SETBP1: variants seen among roughly 807,000 people sequenced by gnomAD.
SETBP1 encodes SET binding protein 1, also known as SET-binding protein.
In SETBP1, 9 loss-of-function variants were observed where a neutral mutation model predicts 101.0. The observed-to-expected ratio is 0.09, with a 90% CI of 0.05 to 0.16. The LOEUF is 0.16. Ranked by LOEUF, SETBP1 falls within the 10% of genes least tolerant of loss-of-function variation. The pLI, the probability that SETBP1 is intolerant of heterozygous loss-of-function variation, is 1.00. For synonymous variants in SETBP1, 818 were observed against 788.5 expected (o/e 1.04, Z -0.63); for missense variants, 1,858 against 2,033.8 (o/e 0.91, Z 1.66).
rs896494841 is a variant in SETBP1 at position 44,929,115 on chromosome 18, G to A, written c.541-20766G>A. Reference sequence around the variant, plus strand: ...CCGTCTTGAATTAATTTTTGTATAAGGTGTAAGGGAGGGATCCAGTTTCAG... The same window carrying A: ...CCGTCTTGAATTAATTTTTGTATAAAGTGTAAGGGAGGGATCCAGTTTCAG... On this transcript the variant is annotated intron_variant, in intron 3 of 5. Coordinates refer to ENST00000649279, the MANE Select transcript of SETBP1 (RefSeq NM_015559.3). 3.3e-5 allele frequency among the ~76,000 whole-genome samples: 5 copies of A among 152,250 alleles called. No homozygotes were observed. In the South Asian group the frequency reaches 8.3e-4, roughly 25 times the overall value.
intron 1 of SETBP1, among the ~76,000 whole-genome samples, chr18:44,690,271 G>A (rs1441245074): frequency 6.6e-6 from 1 of 152,224 alleles, no homozygotes. Context: ...ATATATCACA[G>A]AGAAAGGGAA....
chr18:44,706,536 C>T (rs1304608881), intron 2 of SETBP1, among the ~76,000 whole-genome samples: 6 of 128,456 alleles, frequency 4.7e-5, no homozygotes, highest in East Asian at 2.6e-4. Context: ...TGCAGTGAGC[C>T]GAGATGGTGC....
At chr18:44,772,336 GA>G (rs2070892167) in intron 2 of SETBP1, among the ~76,000 whole-genome samples, 1 of 152,120 alleles carries the variant, frequency 6.6e-6, no homozygotes, top group East Asian at 1.9e-4. Context: ...CTTTAAATAA[GA>G]AAAAGGAAAG....
At chr18:45,012,647 T>C (rs574233506) in intron 4 of SETBP1, among the ~76,000 whole-genome samples, 5 of 152,196 alleles carry the variant, frequency 3.3e-5, no homozygotes, top group Admixed American at 2.6e-4. Context: ...AAATGTGGTA[T>C]ATATGCACAC....
intron 2 of SETBP1, among the ~76,000 whole-genome samples, chr18:44,850,936 A>G (rs952225184): frequency 2.0e-5 from 3 of 152,094 alleles, no homozygotes; most frequent in African/African-American, 4.8e-5. Flanking sequence ...ACAGGTGCAT[A>G]CTCATAAATG....
intron 5 of SETBP1, among the ~76,000 whole-genome samples, chr18:45,041,675 A>T (rs977511166): frequency 6.6e-6 from 1 of 152,186 alleles, no homozygotes. Flanking sequence ...GAAATAATGG[A>T]TGCAGGCCAG....
At chr18:45,044,186 A>T (rs2073564768) in intron 5 of SETBP1, among the ~76,000 whole-genome samples, 1 of 152,212 alleles carries the variant, frequency 6.6e-6, no homozygotes, top group Non-Finnish European at 1.5e-5. Context: ...GGGACCATAA[A>T]TATATACATT....
chr18:44,983,616 GC>G (rs1269865439), intron 4 of SETBP1, among the ~76,000 whole-genome samples: 1 of 152,124 alleles, frequency 6.6e-6, no homozygotes, highest in African/African-American at 2.4e-5. Flanking sequence ...GCAGCAGCAG[GC>G]CTTATTTTTC....
chr18:44,797,723 A>G (rs2071511820), intron 2 of SETBP1, among the ~76,000 whole-genome samples: 1 of 152,242 alleles, frequency 6.6e-6, no homozygotes, highest in Non-Finnish European at 1.5e-5. Flanking sequence ...CAGAAAGTGC[A>G]TGAACCTCCA....
intron 3 of SETBP1, among the ~76,000 whole-genome samples, chr18:44,940,923 G>A (rs768223933): frequency 2.6e-4 from 39 of 151,546 alleles, no homozygotes; most frequent in Middle Eastern, 3.4e-3. Context: ...GAATTCCCTC[G>A]GTTTTTATTT....
At chr18:44,884,407 G>T (rs2069595454) in intron 3 of SETBP1, among the ~76,000 whole-genome samples, 1 of 152,188 alleles carries the variant, frequency 6.6e-6, no homozygotes, top group South Asian at 2.1e-4. Flanking sequence ...CCAAGTCAGT[G>T]TATCCCATAT....
intron 5 of SETBP1, among the ~76,000 whole-genome samples, chr18:45,053,613 G>C (rs2073758973): frequency 6.6e-6 from 1 of 151,882 alleles, no homozygotes; most frequent in African/African-American, 2.4e-5. Flanking sequence ...ATTAAGACCA[G>C]GAAAAAAACA....
At chr18:44,778,930 G>A (rs1470800514) in intron 2 of SETBP1, among the ~76,000 whole-genome samples, 1 of 7,838 alleles carries the variant, frequency 1.3e-4, no homozygotes, top group Non-Finnish European at 3.5e-4. Context: ...CAGAGCCTTC[G>A]AGCTGCGAGC....
At chr18:44,929,425 T>G (rs1273440980) in intron 3 of SETBP1, among the ~76,000 whole-genome samples, 4 of 152,218 alleles carry the variant, frequency 2.6e-5, no homozygotes, top group Non-Finnish European at 5.9e-5. Flanking sequence ...TGGGCTCTTT[T>G]TTGGTTCCAT....
intron 3 of SETBP1, among the ~76,000 whole-genome samples, chr18:44,913,665 C>G (rs150187557): frequency 1.3e-5 from 2 of 152,186 alleles, no homozygotes; most frequent in African/African-American, 4.8e-5. Flanking sequence ...CTACCATTAC[C>G]GGTCCAAACT....
intron 2 of SETBP1, among the ~76,000 whole-genome samples, chr18:44,860,225 A>G (rs559171599): frequency 2.6e-5 from 4 of 152,256 alleles, no homozygotes; most frequent in Admixed American, 1.3e-4. Flanking sequence ...TTTGCTTGGC[A>G]TATGTTCAAG....
chr18:44,879,777 C>T (rs1426828724), intron 3 of SETBP1, among the ~76,000 whole-genome samples: 5 of 152,138 alleles, frequency 3.3e-5, no homozygotes, highest in South Asian at 4.1e-4. Flanking sequence ...CTAAAGGATG[C>T]GTAGGGGCCA....
chr18:45,062,676 A>G lies in SETBP1; in HGVS notation c.4172-403A>G, dbSNP rs190939901. On this transcript the variant is annotated intron_variant, in intron 5 of 5. Coordinates refer to ENST00000649279, the MANE Select transcript of SETBP1 (RefSeq NM_015559.3). ...GCTAAATTGAATCGGATCAAATGTCAAAAAGGTGAATACAAAATTACCTAT... is the reference window on the plus strand; with the variant it reads ...GCTAAATTGAATCGGATCAAATGTCGAAAAGGTGAATACAAAATTACCTAT... Among the ~76,000 whole-genome samples the G allele has an allele frequency of 1.9e-3, 291 of 152,312 alleles. 1 individual carries two copies. Among genetic ancestry groups the G allele is most frequent in the African/African-American group, 6.7e-3 (277 of 41,568 alleles).
intron 5 of SETBP1, among the ~76,000 whole-genome samples, chr18:45,051,448 T>C (rs2073719473): frequency 6.6e-6 from 1 of 152,202 alleles, no homozygotes; most frequent in Non-Finnish European, 1.5e-5. Context: ...ATGATTCTGA[T>C]TCACATGCTT....
Sources: allele counts gnomAD v4.1 joint callset (sites outside exome capture counted in the v4.1 genomes callset), GRCh38; gene constraint gnomAD v4.1.1; transcripts MANE v1.5; gene names NCBI Gene and HGNC (gene_info 2026-07-23, HGNC 2026-07-21).